DGKH: variants seen among roughly 807,000 people sequenced by gnomAD.
The protein encoded by DGKH is DAG kinase eta.
Under a neutral mutation model 159.3 loss-of-function variants are expected in DGKH, and 90 were observed. The observed-to-expected ratio is 0.57, with a 90% CI of 0.48 to 0.67. DGKH has a LOEUF of 0.67. Among genes scored for constraint, DGKH ranks in the 30% least tolerant of loss-of-function variants. The pLI, the probability that DGKH is intolerant of heterozygous loss-of-function variation, is 0.00. For missense variants in DGKH, 1,181 were observed against 1,506.1 expected (o/e 0.78, Z 3.57); for synonymous variants, 536 against 553.8 (o/e 0.97, Z 0.45).
At chr13:42,100,600 A>AT (rs1001516747) in intron 1 of DGKH, among the ~76,000 whole-genome samples, 3 of 151,938 alleles carry the variant, frequency 2.0e-5, no homozygotes, top group African/African-American at 4.8e-5. Context: ...TTTTAAAACA[A>AT]TTTTTTTTAT....
intron 30 of DGKH, chr13:42,255,960 C>T: frequency 6.2e-7 from 1 of 1,610,090 alleles, no homozygotes; most frequent in South Asian, 1.1e-5. Context: ...GCTCATGACG[C>T]TCTGGTTGAG....
rs187210812 is a variant in DGKH, at chr13:42,198,174, A to G, written c.2168-304A>G. On this transcript the variant is annotated intron_variant, in intron 17 of 29. Transcript: ENST00000337343. ...CCATCTTTGCTATAACAAAGGAAGT[A>G]AAATGTATTTGTTATAGAATTATTG... Among the ~76,000 whole-genome samples, 3 of 152,330 alleles carry G rather than the reference A, an allele frequency of 2.0e-5. No individual in the cohort carries two copies. The East Asian group carries it at 5.8e-4, about 29-fold the overall frequency.
intron 3 of DGKH, among the ~76,000 whole-genome samples, chr13:42,135,507 A>AAAAAAGAAAAAAAAAG (rs71096557): frequency 8.8e-6 from 1 of 113,402 alleles, no homozygotes; most frequent in African/African-American, 2.8e-5. Flanking sequence ...AAAAAAAAAA[A>AAAAAAGAAAAAAAAAG]AGAGAGAGAG....
intron 3 of DGKH, among the ~76,000 whole-genome samples, chr13:42,146,542 TTG>T (rs2137911708): frequency 6.6e-6 from 1 of 152,300 alleles, no homozygotes; most frequent in South Asian, 2.1e-4. Flanking sequence ...TTGGAGTAGA[TTG>T]TGAAATATAT....
chr13:42,218,795 T>C (rs1301114102), intron 26 of DGKH, among the ~76,000 whole-genome samples: 1 of 152,126 alleles, frequency 6.6e-6, no homozygotes, highest in African/African-American at 2.4e-5. Flanking sequence ...GGGCATGAGC[T>C]ATCATGCCCA....
At chr13:42,049,262 C>G (rs904310274) in intron 1 of DGKH, among the ~76,000 whole-genome samples, 1 of 151,858 alleles carries the variant, frequency 6.6e-6, no homozygotes, top group African/African-American at 2.4e-5. Context: ...CGGGAGGCTG[C>G]GAGCCTGGGC....
At chr13:42,040,332 C>T (rs922345941) in intron 1 of DGKH, among the ~76,000 whole-genome samples, 1 of 152,156 alleles carries the variant, frequency 6.6e-6, no homozygotes, top group Non-Finnish European at 1.5e-5. Context: ...CCCAGCCCAG[C>T]CCGGGCTTTC....
chr13:42,206,434 A>G (rs953022282), intron 21 of DGKH, among the ~76,000 whole-genome samples: 1 of 152,184 alleles, frequency 6.6e-6, no homozygotes, highest in Admixed American at 6.5e-5. Context: ...AAGTAGATTT[A>G]TGAAATAAGG....
intron 13 of DGKH, among the ~76,000 whole-genome samples, chr13:42,182,932 CTT>C (rs1432979380): frequency 6.6e-6 from 1 of 151,040 alleles, no homozygotes; most frequent in Non-Finnish European, 1.5e-5. Flanking sequence ...ACCACACACA[CTT>C]TATTTGTTCA....
At chr13:42,178,987 G>T (rs1956675876) in intron 13 of DGKH, among the ~76,000 whole-genome samples, 1 of 152,192 alleles carries the variant, frequency 6.6e-6, no homozygotes, top group South Asian at 2.1e-4. Flanking sequence ...ACAAATTTTG[G>T]TATATTATGT....
intron 1 of DGKH, among the ~76,000 whole-genome samples, chr13:42,056,827 TTC>T (rs1421166981): frequency 6.7e-6 from 1 of 150,098 alleles, no homozygotes; most frequent in Non-Finnish European, 1.5e-5. Flanking sequence ...CTTCGCTCTT[TTC>T]TCTCTCCCTT....
chr13:42,161,012 C>A (rs1281584154), intron 7 of DGKH, among the ~76,000 whole-genome samples: 1 of 152,098 alleles, frequency 6.6e-6, no homozygotes, highest in East Asian at 1.9e-4. Context: ...TTTCTTTGTC[C>A]TCATGCTTTT....
chr13:42,137,972 G>A (rs1255369813), intron 3 of DGKH: 1 of 467,502 alleles, frequency 2.1e-6, no homozygotes, highest in Non-Finnish European at 2.8e-6. Context: ...TTCAAGCTCA[G>A]TATAACAGAG....
At chr13:42,047,347 C>A (rs1880856667), upstream of DGKH, among the ~76,000 whole-genome samples, 1 of 151,994 alleles carries the variant, frequency 6.6e-6, no homozygotes, top group Non-Finnish European at 1.5e-5. Flanking sequence ...AAATTAGAAC[C>A]TTAGTTTGGA....
intron 1 of DGKH, among the ~76,000 whole-genome samples, chr13:42,086,812 G>A (rs1366161756): frequency 1.3e-5 from 2 of 152,168 alleles, no homozygotes; most frequent in Non-Finnish European, 2.9e-5. Flanking sequence ...AGAGTTTTCA[G>A]ACCACAGTGC....
chr13:42,056,203 C>T (rs561063889), intron 1 of DGKH, among the ~76,000 whole-genome samples: 5 of 152,042 alleles, frequency 3.3e-5, no homozygotes, highest in Admixed American at 6.6e-5. Flanking sequence ...GTGCATCATT[C>T]CTATTTTATA....
At chr13:42,137,010 G>A (rs1566120806) in intron 3 of DGKH, among the ~76,000 whole-genome samples, 5 of 152,300 alleles carry the variant, frequency 3.3e-5, no homozygotes, top group Admixed American at 1.3e-4. Context: ...GAAATGAGCA[G>A]AGTGGGTTTT....
At chr13:42,140,475 CT>C (rs1381395793) in intron 3 of DGKH, 2 of 152,216 alleles carry the variant, frequency 1.3e-5, no homozygotes, top group African/African-American at 4.8e-5. Flanking sequence ...CAGCCTGTAG[CT>C]GTGTGGAAGT....
At position 42,132,498 on chromosome 13, in the gene DGKH, A is replaced by G. The variant is rs183991130; in HGVS notation, c.384+2866A>G. 6.2e-4 allele frequency among the ~76,000 whole-genome samples: 95 copies of G among 152,348 alleles called. 1 individual carries two copies. Among genetic ancestry groups the G allele is most frequent in the African/African-American group, 2.1e-3 (87 of 41,576 alleles). On this transcript the variant is annotated intron_variant, in intron 3 of 29. Coordinates refer to ENST00000337343, the MANE Select transcript of DGKH (RefSeq NM_178009.5). ...AAGGTCTAGGGTTTTGGAGTAGGAA[A>G]TTATTCAAATCCTTATACAGGTCTT...
Sources: allele counts gnomAD v4.1 joint callset (sites outside exome capture counted in the v4.1 genomes callset), GRCh38; gene constraint gnomAD v4.1.1; transcripts MANE v1.5; gene names NCBI Gene and HGNC (gene_info 2026-07-23, HGNC 2026-07-21).